PTPRD: variants seen among roughly 807,000 people sequenced by gnomAD.
PTPRD encodes the protein protein tyrosine phosphatase receptor type D, also known as receptor-type tyrosine-protein phosphatase delta.
Under a neutral mutation model 214.5 loss-of-function variants are expected in PTPRD, and 34 were observed. That is an observed-to-expected ratio of 0.16 (90% CI 0.12 to 0.21). The LOEUF is 0.21. PTPRD is among the 10% of genes least tolerant of loss of function. The pLI is 1.00. For missense variants in PTPRD, 2,545 were observed against 2,398.7 expected (o/e 1.06, Z -1.27); for synonymous variants, 1,128 against 845.7 (o/e 1.33, Z -5.79).
intron 26 of PTPRD, among the ~76,000 whole-genome samples, chr9:8,493,711 T>C (rs981955009): frequency 3.3e-5 from 5 of 152,228 alleles, no homozygotes; most frequent in Admixed American, 6.5e-5. Flanking sequence ...AACAGGACTT[T>C]AGTTTTACCA....
intron 9 of PTPRD, among the ~76,000 whole-genome samples, chr9:9,219,158 G>C (rs186999899): frequency 6.6e-6 from 1 of 152,032 alleles, no homozygotes; most frequent in East Asian, 1.9e-4. Context: ...TTAAATATTG[G>C]AAAAATAGAA....
At chr9:10,068,063 A>C (rs933868088) in intron 3 of PTPRD, among the ~76,000 whole-genome samples, 1 of 151,952 alleles carries the variant, frequency 6.6e-6, no homozygotes, top group Non-Finnish European at 1.5e-5. Context: ...TAGGTCTTCC[A>C]GTTCTGGTAA....
At chr9:9,448,654 T>A (rs569691972) in intron 8 of PTPRD, among the ~76,000 whole-genome samples, 1 of 152,148 alleles carries the variant, frequency 6.6e-6, no homozygotes, top group East Asian at 1.9e-4. Flanking sequence ...CTCTAAGAGT[T>A]ACACACATAA....
chr9:8,840,790 T>C (rs1476480555), intron 11 of PTPRD, among the ~76,000 whole-genome samples: 1 of 152,150 alleles, frequency 6.6e-6, no homozygotes, highest in East Asian at 1.9e-4. Flanking sequence ...TGATTGAAAA[T>C]GACTGATCGC....
At chr9:10,078,210 G>T (rs1283892583) in intron 3 of PTPRD, among the ~76,000 whole-genome samples, 5 of 151,514 alleles carry the variant, frequency 3.3e-5, no homozygotes, top group Non-Finnish European at 7.4e-5. Context: ...TAGATCTCAG[G>T]GTTAGAAAGA....
At chr9:8,939,112 G>T (rs2099015518) in intron 11 of PTPRD, among the ~76,000 whole-genome samples, 1 of 152,068 alleles carries the variant, frequency 6.6e-6, no homozygotes, top group African/African-American at 2.4e-5. Flanking sequence ...ATACCGCAAG[G>T]TCTTTCAGAA....
chr9:9,091,845 T>A (rs2099776558), intron 10 of PTPRD, among the ~76,000 whole-genome samples: 1 of 152,222 alleles, frequency 6.6e-6, no homozygotes, highest in African/African-American at 2.4e-5. Flanking sequence ...ACTATTACCA[T>A]CATGCTTAAA....
At chr9:10,524,361 C>T (rs927114788) in intron 2 of PTPRD, among the ~76,000 whole-genome samples, 8 of 152,054 alleles carry the variant, frequency 5.3e-5, no homozygotes, top group South Asian at 2.1e-4. Context: ...GTTTACTGTA[C>T]GATAAGTTTA....
intron 21 of PTPRD, among the ~76,000 whole-genome samples, chr9:8,513,290 T>C (rs185939270): frequency 5.9e-5 from 9 of 152,176 alleles, no homozygotes; most frequent in African/African-American, 1.7e-4. Flanking sequence ...AGACAGATCA[T>C]ATTCTCATTT....
chr9:9,431,157 G>C (rs868853976), intron 8 of PTPRD, among the ~76,000 whole-genome samples: 2 of 152,148 alleles, frequency 1.3e-5, no homozygotes, highest in Non-Finnish European at 1.5e-5. Flanking sequence ...CTACCCATCT[G>C]ACAAAGGGCT....
intron 2 of PTPRD, among the ~76,000 whole-genome samples, chr9:10,467,395 AATT>A (rs1283696484): frequency 1.3e-5 from 2 of 152,180 alleles, no homozygotes; most frequent in African/African-American, 2.4e-5. Flanking sequence ...TGATAACCAA[AATT>A]ATTATTATTG....
intron 2 of PTPRD, among the ~76,000 whole-genome samples, chr9:10,555,296 C>A (rs1276934660): frequency 2.0e-5 from 3 of 152,084 alleles, no homozygotes; most frequent in Admixed American, 1.3e-4. Context: ...AAATAAAAGA[C>A]AAACTCATTA....
intron 10 of PTPRD, among the ~76,000 whole-genome samples, chr9:9,066,475 C>A (rs1392463779): frequency 6.6e-6 from 1 of 151,820 alleles, no homozygotes; most frequent in African/African-American, 2.4e-5. Context: ...ATTTAGTAGG[C>A]TAAAAAAATG....
At chr9:9,952,113 G>A (rs1452685507) in intron 4 of PTPRD, among the ~76,000 whole-genome samples, 1 of 152,166 alleles carries the variant, frequency 6.6e-6, no homozygotes, top group Non-Finnish European at 1.5e-5. Context: ...CAAGATCTGA[G>A]AACTCACCAC....
chr9:8,641,695 A>C (rs1443706721), intron 12 of PTPRD, among the ~76,000 whole-genome samples: 1 of 152,166 alleles, frequency 6.6e-6, no homozygotes, highest in African/African-American at 2.4e-5. Context: ...CATTCACAAC[A>C]CAGGCCATAG....
intron 4 of PTPRD, among the ~76,000 whole-genome samples, chr9:10,016,322 G>C (rs560590006): frequency 6.6e-6 from 1 of 151,904 alleles, no homozygotes; most frequent in Admixed American, 6.6e-5. Context: ...GTAGCCATCC[G>C]TGTGTCCAGG....
chr9:8,973,772 TG>T (rs1215970756), intron 11 of PTPRD, among the ~76,000 whole-genome samples: 5 of 152,122 alleles, frequency 3.3e-5, no homozygotes, highest in African/African-American at 1.2e-4. Context: ...TGATGTGAAA[TG>T]GCATCTCATT....
intron 3 of PTPRD, among the ~76,000 whole-genome samples, chr9:10,313,598 C>T (rs1422042966): frequency 6.6e-6 from 1 of 151,854 alleles, no homozygotes; most frequent in Non-Finnish European, 1.5e-5. Flanking sequence ...GGATGTAAAG[C>T]CATCTATGTG....
intron 8 of PTPRD, among the ~76,000 whole-genome samples, chr9:9,553,965 G>C (rs866156918): frequency 6.6e-6 from 1 of 152,012 alleles, no homozygotes; most frequent in Non-Finnish European, 1.5e-5. Context: ...GCTTGCTACA[G>C]ATTCTGGGTA....
Sources: allele counts gnomAD v4.1 joint callset (sites outside exome capture counted in the v4.1 genomes callset), GRCh38; gene constraint gnomAD v4.1.1; transcripts MANE v1.5; gene names NCBI Gene and HGNC (gene_info 2026-07-23, HGNC 2026-07-21).